The following SHTN1 variants were observed in gnomAD, a reference collection of about 807,000 sequenced individuals.
SHTN1 encodes the protein shootin-1.
A neutral mutation model predicts 83.1 loss-of-function variants in SHTN1; 42 were observed. That is an observed-to-expected ratio of 0.51 (90% CI 0.39 to 0.65). The LOEUF is 0.65. SHTN1 is among the 30% of genes least tolerant of loss of function. The pLI is 0.00. For missense variants in SHTN1, 622 were observed against 737.8 expected (o/e 0.84, Z 1.82); for synonymous variants, 224 against 247.7 (o/e 0.90, Z 0.90).
At chr10:117,008,309 T>C (rs1371651649), upstream of SHTN1, among the ~76,000 whole-genome samples, 1 of 152,018 alleles carries the variant, frequency 6.6e-6, no homozygotes, top group Admixed American at 6.6e-5. Flanking sequence ...ATTTAATTTT[T>C]CAGGTAATTA....
chr10:117,121,892 C>T (rs1441450207), intron 1 of SHTN1, among the ~76,000 whole-genome samples: 3 of 151,824 alleles, frequency 2.0e-5, no homozygotes, highest in Non-Finnish European at 4.4e-5. Flanking sequence ...ATTAGCCAGG[C>T]GTGGTGGCAG....
chr10:116,996,462 C>G (rs181445475), intron 1 of SHTN1, among the ~76,000 whole-genome samples: 1 of 152,128 alleles, frequency 6.6e-6, no homozygotes, highest in South Asian at 2.1e-4. Flanking sequence ...GCTTTTGTAT[C>G]GACAACCTTT....
At chr10:117,060,110 A>G (rs1564945176) in intron 1 of SHTN1, among the ~76,000 whole-genome samples, 1 of 152,094 alleles carries the variant, frequency 6.6e-6, no homozygotes, top group Non-Finnish European at 1.5e-5. Context: ...CTCCTCAGGA[A>G]GCTGAGGCAG....
chr10:117,007,568 A>C (rs1852041023), upstream of SHTN1, among the ~76,000 whole-genome samples: 1 of 145,238 alleles, frequency 6.9e-6, no homozygotes, highest in African/African-American at 2.5e-5. Flanking sequence ...AAAAAAAAAA[A>C]AAAAAAAAAA....
At chr10:117,039,612 T>C (rs1342375729) in intron 2 of SHTN1, among the ~76,000 whole-genome samples, 1 of 152,026 alleles carries the variant, frequency 6.6e-6, no homozygotes, top group Admixed American at 6.6e-5. Context: ...CCCAGCACTT[T>C]GGGAGGCTGA....
chr10:116,941,315 A>G (rs1185969146), intron 8 of SHTN1, among the ~76,000 whole-genome samples: 1 of 152,260 alleles, frequency 6.6e-6, no homozygotes, highest in Non-Finnish European at 1.5e-5. Context: ...AGTAGTTAAC[A>G]GTAGAAGGGT....
chr10:116,991,849 A>G (rs1851447364), intron 1 of SHTN1, among the ~76,000 whole-genome samples: 1 of 152,146 alleles, frequency 6.6e-6, no homozygotes, highest in Admixed American at 6.5e-5. Flanking sequence ...ATGATTTATT[A>G]AAATACTGCA....
At chr10:117,123,459 G>A (rs1205625472) in intron 1 of SHTN1, among the ~76,000 whole-genome samples, 1 of 152,162 alleles carries the variant, frequency 6.6e-6, no homozygotes, top group African/African-American at 2.4e-5. Context: ...AGAAAGAAAA[G>A]GTAGTGAGTA....
intron 2 of SHTN1, among the ~76,000 whole-genome samples, chr10:116,975,870 T>C (rs1467683734): frequency 2.0e-5 from 3 of 152,228 alleles, no homozygotes; most frequent in Non-Finnish European, 4.4e-5. Flanking sequence ...TTGATACTTA[T>C]ATTCAACTTT....
intron 2 of SHTN1, among the ~76,000 whole-genome samples, chr10:117,017,495 A>G (rs1405319157): frequency 6.6e-6 from 1 of 151,558 alleles, no homozygotes. Flanking sequence ...CGTCTCAAAA[A>G]AAAAAAAAAA....
intron 1 of SHTN1, 140 bp downstream of exon 1, chr10:117,004,882 C>A: frequency 3.0e-6 from 2 of 655,978 alleles, no homozygotes; most frequent in East Asian, 3.1e-5. Context: ...CGCTTCTCTG[C>A]GGGTGACGGA....
At chr10:116,928,808 T>C (rs1267224347) in intron 10 of SHTN1, among the ~76,000 whole-genome samples, 1 of 152,202 alleles carries the variant, frequency 6.6e-6, no homozygotes, top group African/African-American at 2.4e-5. Context: ...CTGAGTTCTC[T>C]GAAGACAAAA....
chr10:116,959,864 A>G (rs1481345093), intron 4 of SHTN1, among the ~76,000 whole-genome samples: 1 of 152,198 alleles, frequency 6.6e-6, no homozygotes, highest in Non-Finnish European at 1.5e-5. Flanking sequence ...CTACTCTGGG[A>G]CCATTTTTTC....
chr10:117,111,357 A>G (rs982788749), intron 1 of SHTN1, among the ~76,000 whole-genome samples: 1 of 151,644 alleles, frequency 6.6e-6, no homozygotes, highest in African/African-American at 2.4e-5. Flanking sequence ...ACAGTAGCAC[A>G]GTCTCAGCTC....
At chr10:117,054,711 TCCTTA>T (rs778820172) in intron 1 of SHTN1, among the ~76,000 whole-genome samples, 62 of 151,786 alleles carry the variant, frequency 4.1e-4, no homozygotes, top group Non-Finnish European at 7.8e-4. Context: ...CTGGCCAGCA[TCCTTA>T]TCTTAACTTA....
At chr10:116,906,373 C>T (rs1847972877) in intron 15 of SHTN1, among the ~76,000 whole-genome samples, 1 of 152,198 alleles carries the variant, frequency 6.6e-6, no homozygotes, top group Non-Finnish European at 1.5e-5. Context: ...TACACAAGGG[C>T]ATCTTGCATT....
intron 1 of SHTN1, among the ~76,000 whole-genome samples, chr10:117,065,170 A>C (rs1852958125): frequency 6.6e-6 from 1 of 152,100 alleles, no homozygotes; most frequent in Non-Finnish European, 1.5e-5. Flanking sequence ...GTTGGGGGCA[A>C]GGGGAAGGAG....
intron 1 of SHTN1, among the ~76,000 whole-genome samples, chr10:116,985,983 T>C (rs1203105488): frequency 6.6e-6 from 1 of 152,216 alleles, no homozygotes; most frequent in Non-Finnish European, 1.5e-5. Flanking sequence ...GTGACAGATT[T>C]CATATCCTGA....
intron 1 of SHTN1, among the ~76,000 whole-genome samples, chr10:117,064,211 T>C (rs909267023): frequency 1.3e-5 from 2 of 152,186 alleles, no homozygotes; most frequent in Admixed American, 1.3e-4. Context: ...GCTCCAACCA[T>C]GAGTTTGCTG....
Sources: allele counts gnomAD v4.1 joint callset (sites outside exome capture counted in the v4.1 genomes callset), GRCh38; gene constraint gnomAD v4.1.1; transcripts MANE v1.5; gene names NCBI Gene and HGNC (gene_info 2026-07-23, HGNC 2026-07-21).